TPD52L2: variants seen among roughly 807,000 people sequenced by gnomAD.
The protein encoded by TPD52L2 is TPD52 like 2, also known as tumor protein D54.
A neutral mutation model predicts 24.7 loss-of-function variants in TPD52L2; 19 were observed. The ratio of observed to expected loss-of-function variants is 0.77; its 90% CI spans 0.54 to 1.13. The LOEUF is 1.13. Ranked by LOEUF, TPD52L2 falls within the 50% of genes most tolerant of loss-of-function variation. TPD52L2 has a pLI of 0.00. For synonymous variants in TPD52L2, 104 were observed against 100.2 expected, an observed-to-expected ratio of 1.04 and a Z score of -0.23; for missense variants, 236 against 250.4, an observed-to-expected ratio of 0.94 and a Z score of 0.39.
chr20:63,881,168 C>A (rs1470220602), intron 4 of TPD52L2, among the ~76,000 whole-genome samples: 2 of 152,058 alleles, frequency 1.3e-5, no homozygotes, highest in Non-Finnish European at 2.9e-5. Flanking sequence ...TCAAGACCAG[C>A]CTGGCCAACA....
chr20:63,871,570 G>A (rs1447759746), intron 2 of TPD52L2, among the ~76,000 whole-genome samples: 2 of 150,612 alleles, frequency 1.3e-5, no homozygotes, highest in African/African-American at 4.9e-5. Flanking sequence ...GGTTGGTCTC[G>A]AACTCCAGAC....
chr20:63,876,989 G>T, intron 4 of TPD52L2: 1 of 454,374 alleles, frequency 2.2e-6, no homozygotes, highest in Non-Finnish European at 4.4e-6. Context: ...CTGGGGACCC[G>T]GGTGGTTCAT....
At chr20:63,865,471 T>C in intron 1 of TPD52L2, 87 bp downstream of exon 1, 1 of 1,458,990 alleles carries the variant, frequency 6.9e-7, no homozygotes, top group Non-Finnish European at 9.1e-7. Flanking sequence ...TGCGACTCTC[T>C]GTCCTCTCGG....
chr20:63,872,531 C>T (rs2052506652), intron 2 of TPD52L2, among the ~76,000 whole-genome samples: 1 of 151,786 alleles, frequency 6.6e-6, no homozygotes, highest in African/African-American at 2.4e-5. Flanking sequence ...GCGTGCACCA[C>T]CATACCTGGC....
intron 3 of TPD52L2, among the ~76,000 whole-genome samples, chr20:63,874,210 C>T (rs917161460): frequency 2.7e-5 from 4 of 147,564 alleles, no homozygotes; most frequent in Non-Finnish European, 5.9e-5. Flanking sequence ...TCCCACCGCG[C>T]CCGGCTGATT....
At position 63,887,582 on chromosome 20, in the gene TPD52L2, C is replaced by T. The variant is rs1217958114; in HGVS notation, c.477-1608C>T. 6 of 1,613,552 alleles carry T rather than the reference C, an allele frequency of 3.7e-6. No individual in the cohort carries two copies. The Admixed American group carries it at 8.3e-5, about 22-fold the overall frequency. ...CAAGCAGCAGCTACTCCATCCGCCA[C>T]TCAATAAGTATGCCAGCCATGAGGT... On this transcript the variant is annotated intron_variant, in intron 5 of 6. Coordinates refer to ENST00000346249, the MANE Select transcript of TPD52L2 (RefSeq NM_003288.4).
intron 4 of TPD52L2, among the ~76,000 whole-genome samples, chr20:63,878,278 A>G (rs1011652160): frequency 1.3e-5 from 2 of 152,238 alleles, no homozygotes; most frequent in African/African-American, 4.8e-5. Context: ...TGAGGCTGCA[A>G]TGCGGCCACA....
chr20:63,868,330 C>G (rs2052337822), intron 1 of TPD52L2, among the ~76,000 whole-genome samples: 1 of 152,172 alleles, frequency 6.6e-6, no homozygotes, highest in Non-Finnish European at 1.5e-5. Flanking sequence ...ATCTTGTAGA[C>G]TTTTAGGGTA....
intron 4 of TPD52L2, among the ~76,000 whole-genome samples, chr20:63,881,598 G>A (rs1482829667): frequency 6.6e-6 from 1 of 152,192 alleles, no homozygotes; most frequent in African/African-American, 2.4e-5. Context: ...GGTGCCGCCA[G>A]TGGGAGCAGG....
Position 63,890,629 on chromosome 20 carries a change from T to A in TPD52L2, c.*684T>A, listed in dbSNP as rs1364101876. ...TCAAGCTGAAATACAAGCCTTACATTGCCTTATGCTTTATTTCTTTCTAAT... is the reference window on the plus strand; with the variant it reads ...TCAAGCTGAAATACAAGCCTTACATAGCCTTATGCTTTATTTCTTTCTAAT... On this transcript the variant is annotated 3_prime_UTR_variant, in exon 7 of 7. Transcript: ENST00000346249. The A allele has an allele frequency of 2.6e-5, 4 of 152,916 alleles. No homozygotes were observed. Among genetic ancestry groups the A allele is most frequent in the African/African-American group, 9.6e-5 (4 of 41,462 alleles). 9.5% of individuals were successfully genotyped at this position (152,916 alleles called of 1,614,324 possible).
intron 2 of TPD52L2, among the ~76,000 whole-genome samples, chr20:63,870,606 C>T (rs1317601614): frequency 1.3e-5 from 2 of 148,400 alleles, no homozygotes; most frequent in Non-Finnish European, 3.0e-5. Flanking sequence ...TCACTGCAAC[C>T]TCCAACACCC....
At chr20:63,873,878 G>C in intron 3 of TPD52L2, 62 bp downstream of exon 3, 1 of 1,409,298 alleles carries the variant, frequency 7.1e-7, no homozygotes, top group Non-Finnish European at 9.3e-7. Flanking sequence ...CACGTGCCCC[G>C]GCATGTGGGG....
Position 63,877,543 on chromosome 20 carries a change from T to A in TPD52L2, c.374+1668T>A, listed in dbSNP as rs1239353881. 6.6e-6 allele frequency among the ~76,000 whole-genome samples: 1 copy of A among 152,126 alleles called. No individual in the cohort carries two copies. The highest frequency in any genetic ancestry group is 1.5e-5 in the Non-Finnish European group (1 of 68,016). Reference sequence around the variant, plus strand: ...TGCTGGGCAGCAGATGGTTCCTAGGTTGGGACAGTGACGGTCATCCTTGCA... The same window carrying A: ...TGCTGGGCAGCAGATGGTTCCTAGGATGGGACAGTGACGGTCATCCTTGCA... On this transcript the variant is annotated intron_variant, in intron 4 of 6. Coordinates refer to ENST00000346249, the MANE Select transcript of TPD52L2 (RefSeq NM_003288.4). The surrounding 1 kb of genome is among the most constrained non-coding windows in gnomAD (Gnocchi z 4.1).
chr20:63,883,040 G>C (rs1463943330), intron 5 of TPD52L2, among the ~76,000 whole-genome samples: 1 of 152,172 alleles, frequency 6.6e-6, no homozygotes, highest in Non-Finnish European at 1.5e-5. Context: ...TGTTCTTCAG[G>C]GAGGGTTGGC....
In TPD52L2 at chr20:63,890,019, G is replaced by A. The variant is rs781625490; in HGVS notation, c.*74G>A. On this transcript the variant is annotated 3_prime_UTR_variant, in exon 7 of 7. Transcript: ENST00000346249. ...CATCACAGCCGCAGCTCTGTTCAGC[G>A]GAGCAGCCAGCCAGGGCGGATGAGC... 1.1e-5 allele frequency: 17 copies of A among 1,596,054 alleles called. No individual in the cohort carries two copies. The South Asian group carries it at 1.5e-4, about 14-fold the overall frequency.
chr20:63,866,617 A>C (rs1001771971), intron 1 of TPD52L2, among the ~76,000 whole-genome samples: 1 of 151,742 alleles, frequency 6.6e-6, no homozygotes, highest in East Asian at 1.9e-4. Flanking sequence ...GCCCGCCATC[A>C]TGCCCGGCTA....
chr20:63,871,468 G>C (rs1383212457), intron 2 of TPD52L2, among the ~76,000 whole-genome samples: 1 of 151,704 alleles, frequency 6.6e-6, no homozygotes, highest in Non-Finnish European at 1.5e-5. Context: ...TCTTGCCTCA[G>C]CCTCCCGAGT....
intron 5 of TPD52L2, among the ~76,000 whole-genome samples, chr20:63,885,849 G>A (rs772030217): frequency 3.9e-5 from 6 of 152,224 alleles, no homozygotes; most frequent in Non-Finnish European, 7.3e-5. Context: ...TGCTGTCCCC[G>A]GTGGTGTGCG....
intron 2 of TPD52L2, among the ~76,000 whole-genome samples, chr20:63,870,204 A>T (rs939623040): frequency 5.3e-5 from 8 of 152,248 alleles, no homozygotes; most frequent in African/African-American, 1.9e-4. Context: ...AGAGTAATGT[A>T]GGAATTAAGA....
Sources: gnomAD v4.1 joint callset for allele counts (sites outside exome capture counted in the v4.1 genomes callset) on GRCh38, gnomAD v4.1.1 for gene constraint, Gnocchi (gnomAD v3.1) non-coding constraint, MANE v1.5 for transcripts, NCBI Gene and HGNC (gene_info 2026-07-23, HGNC 2026-07-21) for gene names.